PTPRD: variants seen among roughly 807,000 people sequenced by gnomAD.
The protein encoded by PTPRD is protein tyrosine phosphatase receptor type D, also known as receptor-type tyrosine-protein phosphatase delta.
In PTPRD, 34 loss-of-function variants were observed where a neutral mutation model predicts 214.5. That is an observed-to-expected ratio of 0.16 (90% CI 0.12 to 0.21). PTPRD has a LOEUF of 0.21. Among genes scored for constraint, PTPRD ranks in the 10% least tolerant of loss-of-function variants. PTPRD has a pLI of 1.00. For missense variants in PTPRD, 2,545 were observed against 2,398.7 expected, an observed-to-expected ratio of 1.06 and a Z score of -1.27; for synonymous variants, 1,128 against 845.7, an observed-to-expected ratio of 1.33 and a Z score of -5.79.
At chr9:9,530,845 G>T (rs187938011) in intron 8 of PTPRD, among the ~76,000 whole-genome samples, 28 of 152,206 alleles carry the variant, frequency 1.8e-4, no homozygotes, top group African/African-American at 6.5e-4. Context: ...TCTCAGGGAG[G>T]TAGAGAACAT....
intron 3 of PTPRD, among the ~76,000 whole-genome samples, chr9:10,065,020 G>T (rs376871961): frequency 6.6e-6 from 1 of 151,728 alleles, no homozygotes; most frequent in Non-Finnish European, 1.5e-5. Flanking sequence ...CAGGGAAATC[G>T]AACTAGGTAT....
intron 10 of PTPRD, among the ~76,000 whole-genome samples, chr9:9,021,607 G>A (rs936042026): frequency 3.9e-5 from 6 of 152,058 alleles, no homozygotes; most frequent in African/African-American, 1.4e-4. Flanking sequence ...AGGCATTGCT[G>A]TCGTAGGAGA....
At chr9:9,758,652 CCCAA>C (rs71319294) in intron 6 of PTPRD, among the ~76,000 whole-genome samples, 3,594 of 152,038 alleles carry the variant, frequency 0.024, 75 homozygotes, top group Non-Finnish European at 0.037. Context: ...CCTCCCTTGC[CCCAA>C]CCAAGACAGA....
chr9:8,652,358 T>C (rs1219463135), intron 12 of PTPRD, among the ~76,000 whole-genome samples: 1 of 152,242 alleles, frequency 6.6e-6, no homozygotes, highest in Non-Finnish European at 1.5e-5. Flanking sequence ...ACACTTATTT[T>C]AGAAGGAAAA....
chr9:10,160,273 C>T (rs2099119492), intron 3 of PTPRD, among the ~76,000 whole-genome samples: 1 of 151,982 alleles, frequency 6.6e-6, no homozygotes, highest in African/African-American at 2.4e-5. Context: ...TTCCTGGGCA[C>T]ATATAATCTG....
intron 8 of PTPRD, among the ~76,000 whole-genome samples, chr9:9,440,980 T>C (rs2087449339): frequency 6.6e-6 from 1 of 152,224 alleles, no homozygotes; most frequent in Non-Finnish European, 1.5e-5. Context: ...GGCCTGCTGT[T>C]AGCCTAGTCA....
In PTPRD at chr9:8,351,742, T is replaced by TAAAAA. The variant is rs71317359; in HGVS notation, c.4662-9769_4662-9765dup. Among the ~76,000 whole-genome samples the TAAAAA allele has an allele frequency of 1.5e-3, 106 of 68,518 alleles. 5 individuals are homozygous for TAAAAA. Among genetic ancestry groups the TAAAAA allele is most frequent in the African/African-American group, 7.2e-3 (99 of 13,666 alleles). The allele number at this position is 68,518 out of a possible 152,430, so 45.0% of individuals were successfully genotyped here. A position where few individuals can be genotyped will look rare whatever the true frequency, so the allele number is the denominator to read the frequency against. ...AGAGAGGAGACTGCTTGGCAAAGAGTAAAAAAAAAAAAAAAAAAAAAAAAA... is the reference window on the plus strand; with the variant it reads ...AGAGAGGAGACTGCTTGGCAAAGAGTAAAAAAAAAAAAAAAAAAAAAAAAAAAAAA... On this transcript the variant is annotated intron_variant, in intron 39 of 45. Transcript: ENST00000381196.
Position 9,894,340 on chromosome 9 carries a change from A to C in PTPRD, c.-368+44167T>G, listed in dbSNP as rs114132174. ...TTTTCACCTGTGCATTAAGAACAAC[A>C]TTCTTTAAAGGATCCTGAAGGCCCT... On this transcript the variant is annotated intron_variant, in intron 5 of 45. Coordinates refer to ENST00000381196, the MANE Select transcript of PTPRD (RefSeq NM_002839.4). Among the ~76,000 whole-genome samples the C allele has an allele frequency of 3.7e-3, 556 of 152,090 alleles. 6 individuals carry two copies. The highest frequency in any genetic ancestry group is 0.012 in the African/African-American group (504 of 41,518).
intron 39 of PTPRD, among the ~76,000 whole-genome samples, chr9:8,354,440 T>C (rs1447608551): frequency 1.3e-5 from 2 of 152,212 alleles, no homozygotes; most frequent in African/African-American, 4.8e-5. Flanking sequence ...TAGTAATGTT[T>C]CTACTTTTCA....
chr9:8,795,753 C>T (rs1177439871), intron 11 of PTPRD, among the ~76,000 whole-genome samples: 6 of 152,024 alleles, frequency 3.9e-5, no homozygotes, highest in South Asian at 2.1e-4. Context: ...GAAGTGGAAA[C>T]GCGTAAAATT....
intron 7 of PTPRD, among the ~76,000 whole-genome samples, chr9:9,598,936 C>A (rs1379847778): frequency 6.6e-6 from 1 of 151,974 alleles, no homozygotes; most frequent in Non-Finnish European, 1.5e-5. Flanking sequence ...TTTAGCTCAT[C>A]ATCACAGTTC....
chr9:10,365,068 C>G (rs1172259722), intron 2 of PTPRD, among the ~76,000 whole-genome samples: 1 of 152,036 alleles, frequency 6.6e-6, no homozygotes, highest in Admixed American at 6.6e-5. Context: ...GTGTACCAAC[C>G]AATATTAATT....
chr9:9,293,708 C>T (rs1569567138), intron 9 of PTPRD, among the ~76,000 whole-genome samples: 1 of 151,464 alleles, frequency 6.6e-6, no homozygotes, highest in Non-Finnish European at 1.5e-5. Context: ...GTAATGAACT[C>T]GACTGCTGGC....
intron 8 of PTPRD, among the ~76,000 whole-genome samples, chr9:9,546,039 G>C (rs2078719469): frequency 6.6e-6 from 1 of 151,158 alleles, no homozygotes. Flanking sequence ...TCATTCTTTT[G>C]GTAGCCAATA....
At chr9:10,220,088 TTTATC>T (rs1292257126) in intron 3 of PTPRD, among the ~76,000 whole-genome samples, 2 of 151,864 alleles carry the variant, frequency 1.3e-5, no homozygotes, top group Admixed American at 6.6e-5. Context: ...TATTAACGTG[TTTATC>T]TTAAATAGTA....
chr9:9,143,932 G>T (rs915225761), intron 10 of PTPRD, among the ~76,000 whole-genome samples: 1 of 152,226 alleles, frequency 6.6e-6, no homozygotes, highest in African/African-American at 2.4e-5. Flanking sequence ...GTTTTCTCAT[G>T]TGATCATTCA....
intron 27 of PTPRD, among the ~76,000 whole-genome samples, chr9:8,489,352 T>G (rs2097102153): frequency 6.6e-6 from 1 of 152,170 alleles, no homozygotes; most frequent in Non-Finnish European, 1.5e-5. Context: ...AATAAGAGCA[T>G]TAGCTCTGAC....
At chr9:9,091,136 A>T (rs1037268601) in intron 10 of PTPRD, 41 of 1,504,290 alleles carry the variant, frequency 2.7e-5, no homozygotes, top group Non-Finnish European at 3.7e-5. Context: ...TGTGCAATTC[A>T]CAGCAAAGTA....
chr9:10,084,123 T>A (rs550321262), intron 3 of PTPRD, among the ~76,000 whole-genome samples: 3 of 152,114 alleles, frequency 2.0e-5, no homozygotes, highest in African/African-American at 7.2e-5. Flanking sequence ...AAGTACTAAG[T>A]GACATAAGTT....
Sources: allele counts gnomAD v4.1 joint callset (sites outside exome capture counted in the v4.1 genomes callset), GRCh38; gene constraint gnomAD v4.1.1; transcripts MANE v1.5; gene names NCBI Gene and HGNC (gene_info 2026-07-23, HGNC 2026-07-21).